Variants in FGD6 observed in about 807,000 individuals in gnomAD.
FGD6 encodes the protein FYVE, RhoGEF and PH domain-containing protein 6.
A neutral mutation model predicts 149.4 loss-of-function variants in FGD6; 90 were observed. That is an observed-to-expected ratio of 0.60 (90% CI 0.51 to 0.72). The LOEUF is 0.72. Ranked by LOEUF, FGD6 falls within the 30% of genes least tolerant of loss-of-function variation. The pLI is 0.00. For missense variants in FGD6, 1,437 were observed against 1,684.8 expected, an observed-to-expected ratio of 0.85 and a Z score of 2.57; for synonymous variants, 527 against 584.0, an observed-to-expected ratio of 0.90 and a Z score of 1.41.
intron 18 of FGD6, 54 bp from the exon 19 acceptor site, chr12:95,085,962 C>T (rs1877851668): frequency 6.5e-7 from 1 of 1,530,478 alleles, no homozygotes; most frequent in Non-Finnish European, 8.8e-7. Flanking sequence ...ATTATAACAG[C>T]AAAATTATTT....
At chr12:95,158,163 CTTTTTTTTTTT>C (rs11294901) in intron 3 of FGD6, among the ~76,000 whole-genome samples, 1 of 81,470 alleles carries the variant, frequency 1.2e-5, no homozygotes, top group African/African-American at 5.2e-5. Context: ...CATTCACTCA[CTTTTTTTTTTT>C]TTTTTTTTTT....
At chr12:95,150,749 T>G in intron 5 of FGD6, among the ~76,000 whole-genome samples, 1 of 151,942 alleles carries the variant, frequency 6.6e-6, no homozygotes. Flanking sequence ...GGTGGGATTA[T>G]AAGTGTGTGC....
chr12:95,141,201 C>A (rs1006050282), intron 6 of FGD6, among the ~76,000 whole-genome samples, 187 bp downstream of exon 6: 2 of 152,030 alleles, frequency 1.3e-5, no homozygotes, highest in East Asian at 3.9e-4. Flanking sequence ...CCAGCCTGGG[C>A]GACAGAATGA....
chr12:95,185,100 C>T (rs1225454910), intron 2 of FGD6, among the ~76,000 whole-genome samples: 1 of 152,146 alleles, frequency 6.6e-6, no homozygotes, highest in Non-Finnish European at 1.5e-5. Context: ...TCTTGAACTC[C>T]TGACCTCAAG....
In FGD6 at chr12:95,136,521, T is replaced by C. The variant is rs555599522; in HGVS notation, c.2994+1001A>G. Among the ~76,000 whole-genome samples the C allele has an allele frequency of 6.6e-5, 10 of 152,338 alleles. No homozygotes were observed. In the East Asian group the frequency reaches 1.9e-3, roughly 29 times the overall value. On this transcript the variant is annotated intron_variant, in intron 7 of 20. Transcript: ENST00000343958. ...CTGATGGAGGGGACTTGTGATTTTATCTCTAATTAAATCAGGGTTCCACCC... is the reference window on the plus strand; with the variant it reads ...CTGATGGAGGGGACTTGTGATTTTACCTCTAATTAAATCAGGGTTCCACCC...
chr12:95,159,009 C>T (rs913343397), intron 3 of FGD6, among the ~76,000 whole-genome samples: 2 of 152,186 alleles, frequency 1.3e-5, no homozygotes, highest in South Asian at 2.1e-4. Context: ...AGGTCAAGAG[C>T]GGATCTTATC....
intron 3 of FGD6, 73 bp from the exon 4 acceptor site, chr12:95,153,066 G>T: frequency 7.6e-7 from 1 of 1,322,126 alleles, no homozygotes; most frequent in Non-Finnish European, 1.1e-6. Flanking sequence ...AGTCAGACAC[G>T]AATTTTAACT....
intron 8 of FGD6, chr12:95,125,781 G>T: frequency 1.4e-6 from 1 of 734,818 alleles, no homozygotes; most frequent in Non-Finnish European, 2.5e-6. Flanking sequence ...GCACTTCATG[G>T]AGGTTGGCTG....
intron 3 of FGD6, among the ~76,000 whole-genome samples, chr12:95,159,610 G>C (rs552462340): frequency 6.6e-6 from 1 of 152,322 alleles, no homozygotes; most frequent in South Asian, 2.1e-4. Context: ...GGCCAAGGCA[G>C]GCAGATTGCT....
chr12:95,166,224 G>A (rs532004170), intron 3 of FGD6, among the ~76,000 whole-genome samples: 55 of 152,040 alleles, frequency 3.6e-4, no homozygotes, highest in Non-Finnish European at 5.7e-4. Flanking sequence ...TGATATCACC[G>A]ACTTTTCCTG....
Position 95,134,782 on chromosome 12 carries a change from G to T in FGD6, c.3039C>A (p.Leu1013=). 2 of 1,613,884 alleles carry T rather than the reference G, an allele frequency of 1.2e-6. No individual in the cohort carries two copies. The highest frequency in any genetic ancestry group is 1.1e-5 in the South Asian group (1 of 91,002). Residue 1013 remains leucine, a synonymous_variant, in exon 8 of 21, where the codon CTC becomes CTA. Coordinates refer to ENST00000343958, the MANE Select transcript of FGD6 (RefSeq NM_018351.4). ...CANLALKHYL[L]KPVQRIPQYR... is the part of the protein sequence containing the mutation. The stretch of plus-strand genomic sequence containing the variant: ...ACTGGGGGATCCTCTGAACCGGCTT[G>T]AGCAGGTAGTGCTTGAGGGCCAGAT...
intron 6 of FGD6, among the ~76,000 whole-genome samples, chr12:95,138,134 G>A (rs1879729449): frequency 1.3e-5 from 2 of 151,876 alleles, no homozygotes; most frequent in South Asian, 4.2e-4. Context: ...AACCCGGGAG[G>A]GGGAGGTTGC....
At chr12:95,174,940 A>AAAAG (rs1189998950) in intron 2 of FGD6, among the ~76,000 whole-genome samples, 3 of 151,296 alleles carry the variant, frequency 2.0e-5, no homozygotes, top group African/African-American at 7.3e-5. Flanking sequence ...AAAAAAAAAA[A>AAAAG]AAAAAAAGAA....
chr12:95,207,016 C>T (rs148403775), intron 2 of FGD6, among the ~76,000 whole-genome samples: 206 of 150,682 alleles, frequency 1.4e-3, no homozygotes, highest in Non-Finnish European at 1.5e-3. Context: ...TTTTGGAGCC[C>T]CCAAGATATG....
chr12:95,184,179 G>C (rs1396963587), intron 2 of FGD6, among the ~76,000 whole-genome samples: 1 of 152,096 alleles, frequency 6.6e-6, no homozygotes, highest in Non-Finnish European at 1.5e-5. Context: ...CAAAACCAAA[G>C]GACTTCTGCA....
intron 7 of FGD6, 45 bp from the exon 8 acceptor site, chr12:95,134,871 G>C (rs1192437172): frequency 6.6e-7 from 1 of 1,517,362 alleles, no homozygotes; most frequent in Non-Finnish European, 9.0e-7. Context: ...TTTCTAAGAA[G>C]CAAGGGACCC....
intron 5 of FGD6, among the ~76,000 whole-genome samples, 191 bp downstream of exon 5, chr12:95,152,620 A>C (rs572759307): frequency 1.3e-4 from 20 of 152,360 alleles, no homozygotes; most frequent in African/African-American, 4.3e-4. Context: ...TGTTATGAAG[A>C]CATAAAGTTT....
intron 2 of FGD6, among the ~76,000 whole-genome samples, chr12:95,193,671 A>G (rs1164442557): frequency 6.6e-6 from 1 of 151,498 alleles, no homozygotes; most frequent in Non-Finnish European, 1.5e-5. Flanking sequence ...TGGGACTACA[A>G]GCATGCACCA....
intron 5 of FGD6, among the ~76,000 whole-genome samples, chr12:95,149,820 A>G (rs1282511741): frequency 6.8e-6 from 1 of 146,432 alleles, no homozygotes; most frequent in Non-Finnish European, 1.5e-5. Context: ...AATAGTAATC[A>G]TTATATATAA....
Sources: allele counts gnomAD v4.1 joint callset (sites outside exome capture counted in the v4.1 genomes callset), GRCh38; gene constraint gnomAD v4.1.1; transcripts MANE v1.5; gene names NCBI Gene and HGNC (gene_info 2026-07-23, HGNC 2026-07-21).